TENM3: variants seen among roughly 807,000 people sequenced by gnomAD.
TENM3 encodes the protein teneurin-3.
In TENM3, 63 loss-of-function variants were observed where a neutral mutation model predicts 255.1. The ratio of observed to expected loss-of-function variants is 0.25; its 90% CI spans 0.20 to 0.30. TENM3 has a LOEUF of 0.30. TENM3 is among the 10% of genes least tolerant of loss of function. The pLI is 1.00. For missense variants in TENM3, 2,929 were observed against 3,461.1 expected, an observed-to-expected ratio of 0.85 and a Z score of 3.86; for synonymous variants, 1,306 against 1,322.3, an observed-to-expected ratio of 0.99 and a Z score of 0.27.
At chr4:181,502,576 A>G in the TENM3 span, among the ~76,000 whole-genome samples, 1 of 152,180 alleles carries the variant, frequency 6.6e-6, no homozygotes, top group African/African-American at 2.4e-5. Context: ...GGTGGAGATG[A>G]TATGTCTCAT....
the TENM3 span, among the ~76,000 whole-genome samples, chr4:181,474,693 C>T: frequency 6.6e-6 from 1 of 150,804 alleles, no homozygotes; most frequent in Non-Finnish European, 1.5e-5. Context: ...CGAGATCATG[C>T]CACTGCACTC....
chr4:182,291,571 A>T (rs1454933870), intron 1 of TENM3, among the ~76,000 whole-genome samples: 1 of 152,068 alleles, frequency 6.6e-6, no homozygotes, highest in African/African-American at 2.4e-5. Context: ...GTGAGACTGG[A>T]TAATATTACC....
At chr4:182,451,038 C>G (rs1289340537) in intron 3 of TENM3, among the ~76,000 whole-genome samples, 1 of 152,170 alleles carries the variant, frequency 6.6e-6, no homozygotes, top group African/African-American at 2.4e-5. Context: ...TTCTTAGAAA[C>G]TGCTCGGTAG....
intron 3 of TENM3, among the ~76,000 whole-genome samples, chr4:182,397,422 A>T (rs2151010924): frequency 6.7e-6 from 1 of 149,928 alleles, no homozygotes; most frequent in East Asian, 2.0e-4. Flanking sequence ...AAAAAAAAAA[A>T]AAAAAAATCA....
At chr4:182,607,506 A>T (rs2152424670) in intron 4 of TENM3, among the ~76,000 whole-genome samples, 1 of 152,362 alleles carries the variant, frequency 6.6e-6, no homozygotes, top group East Asian at 1.9e-4. Flanking sequence ...TTAATTAACT[A>T]AAGTAATAAA....
intron 3 of TENM3, among the ~76,000 whole-genome samples, chr4:182,517,167 G>A (rs1055787785): frequency 8.6e-5 from 13 of 152,028 alleles, no homozygotes; most frequent in Admixed American, 3.3e-4. Context: ...GGAGCCAGAA[G>A]CAAAGATATG....
the TENM3 span, among the ~76,000 whole-genome samples, chr4:181,555,490 C>A: frequency 3.9e-5 from 6 of 152,196 alleles, no homozygotes; most frequent in Admixed American, 3.9e-4. Flanking sequence ...AATAACTCAA[C>A]AAGCAACCAT....
At chr4:181,940,671 C>T in the TENM3 span, among the ~76,000 whole-genome samples, 1 of 152,168 alleles carries the variant, frequency 6.6e-6, no homozygotes, top group Admixed American at 6.5e-5. Flanking sequence ...AAAGACTCCA[C>T]AAAGGTGAAG....
intron 12 of TENM3, among the ~76,000 whole-genome samples, chr4:182,697,518 GA>G (rs1407556423): frequency 6.6e-6 from 1 of 152,146 alleles, no homozygotes; most frequent in Non-Finnish European, 1.5e-5. Flanking sequence ...AAGTCCCAGT[GA>G]TTCTCAGTAA....
At chr4:182,209,381 G>T (rs553564812) in intron 1 of TENM3, among the ~76,000 whole-genome samples, 1 of 151,806 alleles carries the variant, frequency 6.6e-6, no homozygotes, top group Admixed American at 6.6e-5. Context: ...CCTTGTGTGC[G>T]TGTGGCCCCA....
At chr4:181,821,291 T>A in the TENM3 span, among the ~76,000 whole-genome samples, 2 of 152,128 alleles carry the variant, frequency 1.3e-5, no homozygotes, top group Non-Finnish European at 2.9e-5. Context: ...GAAGTGCCGC[T>A]TGCTCCAAAA....
the TENM3 span, among the ~76,000 whole-genome samples, chr4:182,035,436 A>G: frequency 6.6e-6 from 1 of 152,198 alleles, no homozygotes; most frequent in African/African-American, 2.4e-5. Context: ...TAATTGTAGC[A>G]TTTATCTTCA....
chr4:182,653,454 C>T (rs1316981067), intron 5 of TENM3, among the ~76,000 whole-genome samples: 1 of 152,100 alleles, frequency 6.6e-6, no homozygotes, highest in African/African-American at 2.4e-5. Context: ...GGTGTTCTAC[C>T]AGTTACTTAA....
chr4:182,247,514 C>G (rs1757735418), intron 1 of TENM3, among the ~76,000 whole-genome samples: 1 of 152,182 alleles, frequency 6.6e-6, no homozygotes, highest in Non-Finnish European at 1.5e-5. Flanking sequence ...AGCAGCTTCA[C>G]AAAGCTGCGC....
chr4:181,638,707 T>A, the TENM3 span, among the ~76,000 whole-genome samples: 1 of 152,340 alleles, frequency 6.6e-6, no homozygotes, highest in Middle Eastern at 3.4e-3. Flanking sequence ...GTAATGATCA[T>A]CATAGTTTGA....
the TENM3 span, among the ~76,000 whole-genome samples, chr4:181,577,880 C>T: frequency 6.6e-6 from 1 of 152,116 alleles, no homozygotes; most frequent in East Asian, 1.9e-4. Context: ...TTAAAATTGT[C>T]TCTTTTGTCC....
intron 3 of TENM3, among the ~76,000 whole-genome samples, chr4:182,477,827 TA>T (rs1733824452): frequency 6.6e-6 from 1 of 152,180 alleles, no homozygotes; most frequent in Admixed American, 6.5e-5. Context: ...TTTATGTCTT[TA>T]AATCATATTT....
chr4:182,239,860 A>G (rs867209127), upstream of TENM3, among the ~76,000 whole-genome samples: 7 of 152,248 alleles, frequency 4.6e-5, no homozygotes, highest in African/African-American at 1.7e-4. Context: ...AAAATTGATT[A>G]GTAGTTTGCT....
At chr4:182,089,046 G>A in the TENM3 span, among the ~76,000 whole-genome samples, 1 of 152,156 alleles carries the variant, frequency 6.6e-6, no homozygotes, top group African/African-American at 2.4e-5. Flanking sequence ...CCCTTCTACA[G>A]TGTGGTATGG....
Sources: gnomAD v4.1 joint callset for allele counts (sites outside exome capture counted in the v4.1 genomes callset) on GRCh38, gnomAD v4.1.1 for gene constraint, MANE v1.5 for transcripts, NCBI Gene and HGNC (gene_info 2026-07-23, HGNC 2026-07-21) for gene names.